NECAB1: variants seen among roughly 807,000 people sequenced by gnomAD.
The protein encoded by NECAB1 is N-terminal EF-hand calcium binding protein 1.
NECAB1 carries 29 observed loss-of-function variants against 57.5 expected under a neutral mutation model. That is an observed-to-expected ratio of 0.50 (90% CI 0.38 to 0.69). The LOEUF (loss-of-function observed/expected upper bound fraction) is 0.69, where lower values mean the gene tolerates loss of function less well. NECAB1 is among the 30% of genes least tolerant of loss of function. The pLI is 0.00. For synonymous variants in NECAB1, 142 were observed against 147.7 expected, an observed-to-expected ratio of 0.96 and a Z score of 0.28; for missense variants, 372 against 413.8, an observed-to-expected ratio of 0.90 and a Z score of 0.88.
At chr8:90,824,674 C>G in intron 2 of NECAB1, 43 bp from the exon 3 acceptor site, 1 of 1,307,120 alleles carries the variant, frequency 7.7e-7, no homozygotes, top group Non-Finnish European at 1.1e-6. Context: ...GAACAATGTA[C>G]AAAATTAAAA....
chr8:90,904,342 G>C (rs1378041356), intron 5 of NECAB1, among the ~76,000 whole-genome samples: 1 of 151,430 alleles, frequency 6.6e-6, no homozygotes, highest in Non-Finnish European at 1.5e-5. Flanking sequence ...TAAATAATAA[G>C]TATGTTAATA....
At chr8:90,955,022 T>C in intron 12 of NECAB1, among the ~76,000 whole-genome samples, 1 of 145,966 alleles carries the variant, frequency 6.9e-6, no homozygotes, top group Middle Eastern at 3.8e-3. Flanking sequence ...TATATGTATA[T>C]ACATATATAA....
intron 8 of NECAB1, among the ~76,000 whole-genome samples, chr8:90,929,720 A>C (rs1165361044): frequency 6.6e-6 from 1 of 152,236 alleles, no homozygotes; most frequent in Non-Finnish European, 1.5e-5. Flanking sequence ...ATTGTCATTA[A>C]AGTTGGAATA....
intron 3 of NECAB1, among the ~76,000 whole-genome samples, chr8:90,837,008 G>C (rs561864331): frequency 1.3e-4 from 20 of 152,258 alleles, no homozygotes; most frequent in East Asian, 7.7e-4. Context: ...CTTTAACTCA[G>C]GATCTTTGCA....
chr8:90,926,291 TTTATC>T (rs1586132091), intron 7 of NECAB1, among the ~76,000 whole-genome samples: 2 of 152,224 alleles, frequency 1.3e-5, no homozygotes, highest in African/African-American at 4.8e-5. Context: ...AACACGAGTC[TTTATC>T]TAATATTCAG....
intron 8 of NECAB1, among the ~76,000 whole-genome samples, chr8:90,929,776 T>C (rs1282516016): frequency 1.3e-5 from 2 of 152,100 alleles, no homozygotes; most frequent in African/African-American, 2.4e-5. Context: ...ATATTTGCTA[T>C]GGAGAAGTAA....
In NECAB1 at chr8:90,892,957, T is replaced by A. The variant is rs568706369; in HGVS notation, c.357+11827T>A. 9.9e-5 allele frequency among the ~76,000 whole-genome samples: 15 copies of A among 152,254 alleles called. No homozygotes were observed. In the South Asian group the frequency reaches 1.7e-3, roughly 17 times the overall value. On this transcript the variant is annotated intron_variant, in intron 5 of 12. Coordinates refer to ENST00000417640, the MANE Select transcript of NECAB1 (RefSeq NM_022351.5). Reference sequence around the variant, plus strand: ...CCCTCCCCATCTCTCTAGTTCCACCTCGTGCCAGTCCTTACCAGATGATTT... The same window carrying A: ...CCCTCCCCATCTCTCTAGTTCCACCACGTGCCAGTCCTTACCAGATGATTT...
chr8:90,918,404 C>T (rs181303424), intron 6 of NECAB1, among the ~76,000 whole-genome samples: 9 of 151,942 alleles, frequency 5.9e-5, no homozygotes, highest in African/African-American at 2.2e-4. Context: ...AATGTCAATC[C>T]TTAAGGAAGC....
intron 2 of NECAB1, among the ~76,000 whole-genome samples, chr8:90,810,509 A>C (rs572602673): frequency 6.6e-6 from 1 of 152,296 alleles, no homozygotes; most frequent in African/African-American, 2.4e-5. Flanking sequence ...CATTTTTTGA[A>C]AATAGGAATA....
rs149197454 is a variant in NECAB1, at chr8:90,933,739, A to C, written c.694-565A>C. 7.0e-3 allele frequency among the ~76,000 whole-genome samples: 1,062 copies of C among 152,276 alleles called. 5 individuals carry two copies. Among genetic ancestry groups the C allele is most frequent in the Middle Eastern group, 0.02 (6 of 294 alleles). On this transcript the variant is annotated intron_variant, in intron 8 of 12. Transcript: ENST00000417640. ...AAAAACCTATGGAAATAAAAAAAAA[A>C]ACTTTTTTTTAAGACTTCACGGTCT...
intron 4 of NECAB1, among the ~76,000 whole-genome samples, chr8:90,875,304 AC>A (rs1454290548): frequency 6.7e-6 from 1 of 149,190 alleles, no homozygotes; most frequent in Non-Finnish European, 1.5e-5. Context: ...ACAAGGTGAA[AC>A]CCCGTCTCTA....
chr8:90,899,488 A>G (rs1321696765), intron 5 of NECAB1, among the ~76,000 whole-genome samples: 3 of 152,198 alleles, frequency 2.0e-5, no homozygotes, highest in African/African-American at 7.2e-5. Context: ...TAGTTACTGA[A>G]TAACTTAGCA....
chr8:90,802,136 TCTC>T (rs1168524243), intron 2 of NECAB1, among the ~76,000 whole-genome samples: 1 of 152,208 alleles, frequency 6.6e-6, no homozygotes, highest in Non-Finnish European at 1.5e-5. Context: ...AAGTCTGGAC[TCTC>T]CACACTGAGC....
intron 3 of NECAB1, among the ~76,000 whole-genome samples, chr8:90,840,879 C>G (rs1480081334): frequency 2.1e-5 from 3 of 141,976 alleles, no homozygotes; most frequent in Non-Finnish European, 4.5e-5. Flanking sequence ...TGGTGGGGGA[C>G]ACAGATATCT....
intron 4 of NECAB1, among the ~76,000 whole-genome samples, chr8:90,876,820 A>G (rs919377158): frequency 1.3e-5 from 2 of 152,200 alleles, no homozygotes; most frequent in African/African-American, 4.8e-5. Context: ...TTTCAATGAT[A>G]CTTCATTTAA....
chr8:90,817,805 G>A (rs1031876939), intron 2 of NECAB1, among the ~76,000 whole-genome samples: 6 of 151,622 alleles, frequency 4.0e-5, no homozygotes, highest in Admixed American at 3.9e-4. Context: ...TTTGGTATTA[G>A]GCTAATGCTA....
At chr8:90,871,268 T>C (rs942345832) in intron 3 of NECAB1, among the ~76,000 whole-genome samples, 3 of 152,216 alleles carry the variant, frequency 2.0e-5, no homozygotes. Context: ...CTAAAACTTA[T>C]GAATTACTGT....
intron 3 of NECAB1, among the ~76,000 whole-genome samples, chr8:90,835,903 C>G (rs1563500409): frequency 1.3e-5 from 2 of 152,218 alleles, no homozygotes; most frequent in African/African-American, 4.8e-5. Context: ...AGTCTAGACC[C>G]TGCCTGATTG....
At chr8:90,906,912 T>TGTATATA (rs1554574099) in intron 5 of NECAB1, among the ~76,000 whole-genome samples, 1 of 143,852 alleles carries the variant, frequency 7.0e-6, no homozygotes, top group African/African-American at 2.6e-5. Context: ...TATATATATC[T>TGTATATA]TCTCACTTTA....
Sources: allele counts gnomAD v4.1 joint callset (sites outside exome capture counted in the v4.1 genomes callset), GRCh38; gene constraint gnomAD v4.1.1; transcripts MANE v1.5; gene names NCBI Gene and HGNC (gene_info 2026-07-23, HGNC 2026-07-21).